The following MEGF10 variants were observed in gnomAD, a reference collection of about 807,000 sequenced individuals.
MEGF10 encodes multiple epidermal growth factor-like domains protein 10.
In MEGF10, 86 loss-of-function variants were observed where a neutral mutation model predicts 147.5. The ratio of observed to expected loss-of-function variants is 0.58; its 90% CI spans 0.49 to 0.70. The LOEUF (loss-of-function observed/expected upper bound fraction) is 0.70. Among genes scored for constraint, MEGF10 ranks in the 30% least tolerant of loss-of-function variants. MEGF10 has a pLI of 0.00. For synonymous variants in MEGF10, 478 were observed against 525.5 expected (o/e 0.91, Z 1.24); for missense variants, 1,329 against 1,487.3 (o/e 0.89, Z 1.75).
chr5:127,312,839 G>C (rs1304137679), intron 1 of MEGF10, among the ~76,000 whole-genome samples: 1 of 151,952 alleles, frequency 6.6e-6, no homozygotes, highest in Non-Finnish European at 1.5e-5. Flanking sequence ...TTCAATCTTA[G>C]AAAGGTTTCA....
At chr5:127,454,771 T>C (rs1344459126) in intron 23 of MEGF10, among the ~76,000 whole-genome samples, 161 bp downstream of exon 23, 1 of 152,306 alleles carries the variant, frequency 6.6e-6, no homozygotes, top group Middle Eastern at 3.4e-3. Flanking sequence ...GTGACTGACA[T>C]CAAGAAAGTG....
At chr5:127,332,990 C>T (rs901691421) in intron 2 of MEGF10, among the ~76,000 whole-genome samples, 23 of 151,926 alleles carry the variant, frequency 1.5e-4, no homozygotes, top group African/African-American at 5.1e-4. Context: ...GCAGAGAAGA[C>T]GAGGATTTAG....
chr5:127,252,062 C>T, the MEGF10 span, among the ~76,000 whole-genome samples: 1 of 151,834 alleles, frequency 6.6e-6, no homozygotes, highest in African/African-American at 2.4e-5. Flanking sequence ...TAATGTGATA[C>T]ATTTTAATCA....
At chr5:127,388,918 A>G (rs1763542573) in intron 5 of MEGF10, among the ~76,000 whole-genome samples, 1 of 152,176 alleles carries the variant, frequency 6.6e-6, no homozygotes, top group Non-Finnish European at 1.5e-5. Flanking sequence ...GTCCCTAAAT[A>G]CTGAGTAATT....
intron 5 of MEGF10, among the ~76,000 whole-genome samples, chr5:127,395,489 G>A (rs1763871004): frequency 6.9e-6 from 1 of 145,956 alleles, no homozygotes; most frequent in East Asian, 2.0e-4. Flanking sequence ...CTTTTTTTTG[G>A]TCAGTAATTC....
At chr5:127,337,812 C>A (rs1761525237) in intron 2 of MEGF10, among the ~76,000 whole-genome samples, 1 of 152,100 alleles carries the variant, frequency 6.6e-6, no homozygotes, top group African/African-American at 2.4e-5. Flanking sequence ...AGGTTATCTG[C>A]TGAACATCTC....
At chr5:127,362,974 AC>A (rs1762530847) in intron 4 of MEGF10, among the ~76,000 whole-genome samples, 2 of 152,198 alleles carry the variant, frequency 1.3e-5, no homozygotes, top group Non-Finnish European at 2.9e-5. Context: ...TATAGTATCC[AC>A]ATTTAACTGT....
chr5:127,309,845 G>GT lies in MEGF10; in HGVS notation c.-19+18795dup, dbSNP rs1004476120. Among the ~76,000 whole-genome samples, 74 of 152,036 alleles carry GT rather than the reference G, an allele frequency of 4.9e-4. 1 individual carries two copies. Among genetic ancestry groups the GT allele is most frequent in the African/African-American group, 1.8e-3 (73 of 41,460 alleles). On this transcript the variant is annotated intron_variant, in intron 1 of 24. Coordinates refer to ENST00000503335, the MANE Select transcript of MEGF10 (RefSeq NM_001256545.2). ...TTGCTGCAACATATGGTAATTCCAT[G>GT]TTTTTTGAGGAATCACCATACTGTT...
intron 20 of MEGF10, 30 bp downstream of exon 20, chr5:127,445,723 C>A: frequency 6.4e-7 from 1 of 1,557,952 alleles, no homozygotes; most frequent in Non-Finnish European, 8.9e-7. Context: ...AGGCATTTTG[C>A]TTCTTGAAAA....
At chr5:127,306,715 G>C (rs1443653299) in intron 1 of MEGF10, among the ~76,000 whole-genome samples, 1 of 152,236 alleles carries the variant, frequency 6.6e-6, no homozygotes, top group Non-Finnish European at 1.5e-5. Flanking sequence ...CTTGTTGAAG[G>C]CCCAATGGGG....
chr5:127,403,385 C>T lies in MEGF10; in HGVS notation c.917+703C>T, dbSNP rs570805174. 2.3e-3 allele frequency among the ~76,000 whole-genome samples: 352 copies of T among 152,244 alleles called. 3 individuals carry two copies. The highest frequency in any genetic ancestry group is 0.01 in the Middle Eastern group (3 of 294). On this transcript the variant is annotated intron_variant, in intron 8 of 24. Transcript: ENST00000503335. ...ACAGGCTTGCAATGTGAACTAAGCA[C>T]ATTATGCGGAATGGGGTATCCATCC...
intron 2 of MEGF10, among the ~76,000 whole-genome samples, chr5:127,335,366 C>T (rs1208460640): frequency 6.6e-6 from 1 of 152,142 alleles, no homozygotes; most frequent in Non-Finnish European, 1.5e-5. Flanking sequence ...CACTCTGTGA[C>T]TTCAGGAGCA....
chr5:127,338,206 TTTTTTG>T lies in MEGF10; in HGVS notation c.117-910_117-905del, dbSNP rs551151793. Among the ~76,000 whole-genome samples, 10 of 152,218 alleles carry T rather than the reference TTTTTTG, an allele frequency of 6.6e-5. No individual in the cohort carries two copies. The East Asian group carries it at 1.9e-3, about 29-fold the overall frequency. On this transcript the variant is annotated intron_variant, in intron 2 of 24. Transcript: ENST00000503335. ...AAATGAGTCTGTGATTATGGCCCAT[TTTTTTG>T]TTTGTGTGAATTAAAGATTTTACTG...
chr5:127,404,405 AACGGTGAAG>A (rs1471855312), intron 8 of MEGF10, among the ~76,000 whole-genome samples: 1 of 152,082 alleles, frequency 6.6e-6, no homozygotes, highest in Middle Eastern at 3.2e-3. Flanking sequence ...CATTGAAAGT[AACGGTGAAG>A]ACCGCAATTA....
In MEGF10 at chr5:127,457,244, C is replaced by T. The variant is rs376320089; in HGVS notation, c.3349C>T (p.Arg1117Ter). ...IPCHYDLLPV[R>*]DSSSSPKQED... ...TTGTCATTATGACCTGCTGCCAGTC[C>T]GAGACAGTTCATCCTCCCCTAAGCA... The change falls in exon 25 of 25, where the codon CGA becomes TGA. Residue 1117 changes from arginine (R) to a stop codon, truncating the protein, a stop_gained. Transcript: ENST00000503335. LOFTEE classifies it high-confidence loss of function. 1.2e-5 allele frequency: 19 copies of T among 1,613,984 alleles called. No homozygotes were observed. The highest frequency in any genetic ancestry group is 5.3e-5 in the African/African-American group (4 of 74,904).
At chr5:127,333,199 G>A (rs542992514) in intron 2 of MEGF10, among the ~76,000 whole-genome samples, 63 of 152,194 alleles carry the variant, frequency 4.1e-4, no homozygotes, top group African/African-American at 1.4e-3. Context: ...GTGAACAGAG[G>A]AACTCTCTGA....
chr5:127,437,812 A>G (rs1289585838), intron 16 of MEGF10, among the ~76,000 whole-genome samples: 3 of 152,206 alleles, frequency 2.0e-5, no homozygotes, highest in Non-Finnish European at 2.9e-5. Context: ...AGTAGACTGA[A>G]GGGTACAGGA....
chr5:127,393,696 T>C (rs911491336), intron 5 of MEGF10, among the ~76,000 whole-genome samples: 1 of 152,218 alleles, frequency 6.6e-6, no homozygotes, highest in Non-Finnish European at 1.5e-5. Flanking sequence ...AGCCAGGAAA[T>C]TAACCATGTC....
At chr5:127,369,840 C>A (rs943538260) in intron 4 of MEGF10, 70 bp from the exon 5 acceptor site, 71 of 1,220,518 alleles carry the variant, frequency 5.8e-5, no homozygotes, top group Non-Finnish European at 8.0e-5. Flanking sequence ...CTTGGATGTG[C>A]AACAGCTGTG....
Sources: allele counts gnomAD v4.1 joint callset (sites outside exome capture counted in the v4.1 genomes callset), GRCh38; gene constraint gnomAD v4.1.1; transcripts MANE v1.5; gene names NCBI Gene and HGNC (gene_info 2026-07-23, HGNC 2026-07-21).